CNTNAP2: variants seen among roughly 807,000 people sequenced by gnomAD.
CNTNAP2 encodes the protein contactin associated protein 2.
Under a neutral mutation model 155.2 loss-of-function variants are expected in CNTNAP2, and 98 were observed. The observed-to-expected ratio is 0.63, with a 90% CI of 0.54 to 0.75. The LOEUF (loss-of-function observed/expected upper bound fraction) is 0.75. Among genes scored for constraint, CNTNAP2 ranks in the 30% least tolerant of loss-of-function variants. CNTNAP2 has a pLI of 0.00. For missense variants in CNTNAP2, 1,727 were observed against 1,688.1 expected, an observed-to-expected ratio of 1.02 and a Z score of -0.40; for synonymous variants, 651 against 631.2, an observed-to-expected ratio of 1.03 and a Z score of -0.47.
chr7:148,274,800 C>T, intron 21 of CNTNAP2, among the ~76,000 whole-genome samples: 1 of 152,104 alleles, frequency 6.6e-6, no homozygotes, highest in East Asian at 1.9e-4. Context: ...CAAGAACAGC[C>T]TAATACAATC....
intron 23 of CNTNAP2, among the ~76,000 whole-genome samples, chr7:148,410,565 C>CAAAAAAAAA (rs56258191): frequency 8.9e-6 from 1 of 112,868 alleles, no homozygotes. Flanking sequence ...AGACCTTTCT[C>CAAAAAAAAA]AAAAAAAAAA....
At chr7:147,254,151 C>A (rs1804266960) in intron 8 of CNTNAP2, among the ~76,000 whole-genome samples, 1 of 152,048 alleles carries the variant, frequency 6.6e-6, no homozygotes, top group Non-Finnish European at 1.5e-5. Context: ...ATGAAAGATA[C>A]CAGTCAGGGT....
intron 10 of CNTNAP2, among the ~76,000 whole-genome samples, chr7:147,452,145 T>C (rs1211422029): frequency 3.9e-5 from 6 of 152,236 alleles, no homozygotes; most frequent in Non-Finnish European, 5.9e-5. Flanking sequence ...TGTTTTGAGA[T>C]AGGCTTTCGA....
At chr7:147,185,825 G>C (rs1201821202) in intron 8 of CNTNAP2, among the ~76,000 whole-genome samples, 1 of 152,170 alleles carries the variant, frequency 6.6e-6, no homozygotes, top group Non-Finnish European at 1.5e-5. Flanking sequence ...CATGGGGACA[G>C]GTTTTTCCTG....
intron 2 of CNTNAP2, among the ~76,000 whole-genome samples, chr7:146,793,242 A>T (rs1802706100): frequency 6.6e-6 from 1 of 152,250 alleles, no homozygotes; most frequent in African/African-American, 2.4e-5. Flanking sequence ...CACATAGCCA[A>T]ATTGCTCCCA....
intron 1 of CNTNAP2, among the ~76,000 whole-genome samples, chr7:146,727,906 G>C (rs372606654): frequency 5.3e-5 from 8 of 152,138 alleles, no homozygotes; most frequent in African/African-American, 1.9e-4. Context: ...CTACTCATGG[G>C]AGATTTTATT....
At chr7:148,403,654 C>A (rs572913033) in intron 22 of CNTNAP2, among the ~76,000 whole-genome samples, 1 of 152,314 alleles carries the variant, frequency 6.6e-6, no homozygotes, top group Non-Finnish European at 1.5e-5. Flanking sequence ...ATCCATGTCT[C>A]AGTCATGTTT....
chr7:146,236,445 T>C (rs1006614600), intron 1 of CNTNAP2, among the ~76,000 whole-genome samples: 5 of 152,168 alleles, frequency 3.3e-5, no homozygotes, highest in Non-Finnish European at 7.4e-5. Context: ...TATGAGTTGA[T>C]TTTCTAAGCC....
At chr7:146,822,447 T>G (rs2129196502) in intron 2 of CNTNAP2, among the ~76,000 whole-genome samples, 1 of 151,716 alleles carries the variant, frequency 6.6e-6, no homozygotes, top group African/African-American at 2.4e-5. Flanking sequence ...ATTGTTCACA[T>G]GTACCTTCAA....
In CNTNAP2 at chr7:148,182,766, C is replaced by A. The variant is rs117339252; in HGVS notation, c.3010+10288C>A. Among the ~76,000 whole-genome samples, 1,283 of 152,284 alleles carry A rather than the reference C, an allele frequency of 8.4e-3. 10 individuals carry two copies. The highest frequency in any genetic ancestry group is 0.016 in the South Asian group (78 of 4,822). ...GAGCCAGCTGCTCTCTCTGAGCCAT[C>A]CTTTTCTTGGCATTTTAAATGTATT... On this transcript the variant is annotated intron_variant, in intron 18 of 23. Coordinates refer to ENST00000361727, the MANE Select transcript of CNTNAP2 (RefSeq NM_014141.6).
intron 1 of CNTNAP2, among the ~76,000 whole-genome samples, chr7:146,611,500 A>G (rs1185896703): frequency 6.6e-6 from 1 of 152,172 alleles, no homozygotes; most frequent in African/African-American, 2.4e-5. Context: ...TATTATATAA[A>G]ATTTGCTGCC....
intron 1 of CNTNAP2, among the ~76,000 whole-genome samples, chr7:146,522,523 A>G (rs1038884922): frequency 4.6e-5 from 7 of 152,042 alleles, no homozygotes; most frequent in African/African-American, 1.2e-4. Flanking sequence ...TCTATGTCTA[A>G]GATAATACCA....
At chr7:146,578,930 A>T (rs1252796302) in intron 1 of CNTNAP2, among the ~76,000 whole-genome samples, 1 of 152,096 alleles carries the variant, frequency 6.6e-6, no homozygotes, top group Non-Finnish European at 1.5e-5. Context: ...ATTATTTTCC[A>T]GATGAAAAAG....
intron 20 of CNTNAP2, among the ~76,000 whole-genome samples, chr7:148,247,941 A>G (rs751619275): frequency 2.8e-4 from 42 of 152,136 alleles, no homozygotes; most frequent in Non-Finnish European, 4.7e-4. Flanking sequence ...GGTGTGAACC[A>G]CCATGCTCAG....
intron 12 of CNTNAP2, among the ~76,000 whole-genome samples, chr7:147,618,708 TACACAC>T (rs112885206): frequency 5.3e-5 from 7 of 132,042 alleles, no homozygotes; most frequent in South Asian, 2.1e-4. Context: ...ACAGCTATTA[TACACAC>T]ACACACACAC....
At chr7:147,693,851 T>C (rs894956264) in intron 13 of CNTNAP2, among the ~76,000 whole-genome samples, 1 of 152,038 alleles carries the variant, frequency 6.6e-6, no homozygotes, top group African/African-American at 2.4e-5. Flanking sequence ...TCTTGTCTTA[T>C]TGCATTAGCT....
intron 13 of CNTNAP2, among the ~76,000 whole-genome samples, chr7:147,704,925 T>C (rs1796288685): frequency 6.6e-6 from 1 of 152,104 alleles, no homozygotes; most frequent in African/African-American, 2.4e-5. Context: ...AATGTCTCTT[T>C]TCTATTTCTC....
At chr7:147,210,517 T>C (rs1347393367) in intron 8 of CNTNAP2, among the ~76,000 whole-genome samples, 1 of 151,934 alleles carries the variant, frequency 6.6e-6, no homozygotes, top group Non-Finnish European at 1.5e-5. Flanking sequence ...ATTGGTCTAT[T>C]GATCTTATTT....
chr7:146,332,076 T>C (rs368242825), intron 1 of CNTNAP2, among the ~76,000 whole-genome samples: 4 of 152,060 alleles, frequency 2.6e-5, no homozygotes, highest in Admixed American at 2.0e-4. Context: ...TCTATGTAGA[T>C]ACACACACAA....
Sources: gnomAD v4.1 joint callset for allele counts (sites outside exome capture counted in the v4.1 genomes callset) on GRCh38, gnomAD v4.1.1 for gene constraint, MANE v1.5 for transcripts, NCBI Gene and HGNC (gene_info 2026-07-23, HGNC 2026-07-21) for gene names.